The following KCNT2 variants were observed in gnomAD, a reference collection of about 807,000 sequenced individuals.
The protein encoded by KCNT2 is potassium channel subfamily T member 2.
A neutral mutation model predicts 153.8 loss-of-function variants in KCNT2; 67 were observed. That is an observed-to-expected ratio of 0.44 (90% CI 0.36 to 0.53). The LOEUF is 0.53. Among genes scored for constraint, KCNT2 ranks in the 20% least tolerant of loss-of-function variants. KCNT2 has a pLI of 0.00. For missense variants in KCNT2, 975 were observed against 1,354.8 expected (o/e 0.72, Z 4.40); for synonymous variants, 500 against 458.8 (o/e 1.09, Z -1.15).
In KCNT2 at chr1:196,340,572, T is replaced by A; in HGVS notation, c.1554-2A>T. 1 of 1,507,708 alleles carries A rather than the reference T, an allele frequency of 6.6e-7. No homozygotes were observed. Among genetic ancestry groups the A allele is most frequent in the Non-Finnish European group, 8.9e-7 (1 of 1,123,922 alleles). 93.4% of individuals were successfully genotyped at this position (1,507,708 alleles called of 1,614,324 possible). A position where few individuals can be genotyped will look rare whatever the true frequency, so the allele number is the denominator to read the frequency against. On this transcript the variant is annotated splice_acceptor_variant, in intron 15 of 27. Transcript: ENST00000294725. LOFTEE classifies it high-confidence loss of function. ...ACACCAATCAAGCAGACGCCAAACC[T>A]TAATTTAAAAAAAAAGAGAGTTTGT...
intron 12 of KCNT2, among the ~76,000 whole-genome samples, chr1:196,413,950 T>G (rs983824000): frequency 2.6e-5 from 4 of 151,716 alleles, no homozygotes. Flanking sequence ...GTTATTACAT[T>G]GTCATTAAGA....
At chr1:196,401,811 A>C (rs1381022916) in intron 12 of KCNT2, among the ~76,000 whole-genome samples, 2 of 151,706 alleles carry the variant, frequency 1.3e-5, no homozygotes, top group Non-Finnish European at 2.9e-5. Context: ...ATTTTGTAGA[A>C]GACATACACT....
Position 196,398,556 on chromosome 1 carries a change from A to G in KCNT2, c.1294+7T>C. 1 of 1,520,114 alleles carries G rather than the reference A, an allele frequency of 6.6e-7. No individual in the cohort carries two copies. The highest frequency in any genetic ancestry group is 1.1e-5 in the South Asian group (1 of 88,666). 94.2% of individuals were successfully genotyped at this position (1,520,114 alleles called of 1,614,324 possible). A position where few individuals can be genotyped will look rare whatever the true frequency, so the allele number is the denominator to read the frequency against. On this transcript the variant is annotated splice_region_variant and intron_variant, in intron 13 of 27. Coordinates refer to ENST00000294725, the MANE Select transcript of KCNT2 (RefSeq NM_198503.5). ...TTCAATGGATCTCATGCAAGATAAA[A>G]ACTTACCAGCAAATTTGATGTGAAA...
chr1:196,233,854 T>C (rs1382265462), intron 27 of KCNT2, among the ~76,000 whole-genome samples: 1 of 151,362 alleles, frequency 6.6e-6, no homozygotes, highest in Non-Finnish European at 1.5e-5. Context: ...GCTAAAATAA[T>C]TGATCTCATG....
chr1:196,242,357 A>C (rs554199390), intron 26 of KCNT2, among the ~76,000 whole-genome samples: 1 of 152,196 alleles, frequency 6.6e-6, no homozygotes, highest in African/African-American at 2.4e-5. Flanking sequence ...AGAAAGCCTA[A>C]AAGATTTTGG....
intron 1 of KCNT2, among the ~76,000 whole-genome samples, chr1:196,588,551 C>T (rs75545199): frequency 6.6e-6 from 1 of 151,948 alleles, no homozygotes; most frequent in Non-Finnish European, 1.5e-5. Context: ...AAAAAGCAGT[C>T]ACTTTTATTG....
chr1:196,371,321 T>C (rs902302684), intron 14 of KCNT2, among the ~76,000 whole-genome samples: 6 of 128,622 alleles, frequency 4.7e-5, no homozygotes, highest in African/African-American at 1.8e-4. Context: ...AAAGCAGAAA[T>C]AGATTGTGGT....
chr1:196,524,721 T>C (rs1653947725), intron 1 of KCNT2, among the ~76,000 whole-genome samples: 1 of 152,146 alleles, frequency 6.6e-6, no homozygotes, highest in South Asian at 2.1e-4. Context: ...AAAAATAATA[T>C]TGATAGTGGT....
chr1:196,524,374 A>G (rs565952784), intron 1 of KCNT2, among the ~76,000 whole-genome samples: 1 of 152,334 alleles, frequency 6.6e-6, no homozygotes, highest in East Asian at 1.9e-4. Flanking sequence ...AGGGGGGAAA[A>G]AAAGTGGTTT....
At chr1:196,578,037 T>G (rs1215348884) in intron 1 of KCNT2, among the ~76,000 whole-genome samples, 2 of 152,144 alleles carry the variant, frequency 1.3e-5, no homozygotes, top group Non-Finnish European at 2.9e-5. Context: ...CTGCACTGCT[T>G]TTAGCACATT....
At chr1:196,464,843 T>C (rs1192583160) in intron 8 of KCNT2, among the ~76,000 whole-genome samples, 1 of 152,042 alleles carries the variant, frequency 6.6e-6, no homozygotes, top group African/African-American at 2.4e-5. Flanking sequence ...AAATCTGCCC[T>C]GGCTTTCTGC....
chr1:196,482,260 C>T, intron 4 of KCNT2, 71 bp downstream of exon 4: 2 of 945,528 alleles, frequency 2.1e-6, no homozygotes, highest in Non-Finnish European at 3.3e-6. Context: ...ATCAAAAGCT[C>T]TCCAATAGTA....
intron 19 of KCNT2, among the ~76,000 whole-genome samples, chr1:196,326,416 G>GA (rs1392449850): frequency 2.6e-5 from 4 of 152,012 alleles, no homozygotes; most frequent in African/African-American, 9.7e-5. Context: ...TTAATTTAAG[G>GA]AAAATTGCAG....
intron 8 of KCNT2, among the ~76,000 whole-genome samples, chr1:196,454,028 C>A (rs1342430796): frequency 6.6e-6 from 1 of 151,442 alleles, no homozygotes; most frequent in Non-Finnish European, 1.5e-5. Context: ...GTGTATTTTT[C>A]TCAGATGGAA....
Position 196,334,009 on chromosome 1 carries a change from G to C in KCNT2, c.1835C>G (p.Pro612Arg), listed in dbSNP as rs1282755505. Residue 612 changes from proline to arginine, a missense_variant, in exon 17 of 28, where the codon CCT (proline) becomes CGT (arginine). This residue lies in a region of KCNT2 where 325 missense variants were observed against 388.1 expected (regional missense o/e 0.84). Coordinates refer to ENST00000294725, the MANE Select transcript of KCNT2 (RefSeq NM_198503.5). ...TCCCTCTGTAGGAAGAGACAGGGTAGGGCCACTTGCTGATCTACAGCTTGT... is the reference window on the plus strand; with the variant it reads ...TCCCTCTGTAGGAAGAGACAGGGTACGGCCACTTGCTGATCTACAGCTTGT... ...QDTSCRSASG[P>R]TLSLPTEGSK... is the part of the protein sequence containing the mutation. 2.5e-6 allele frequency: 4 copies of C among 1,613,248 alleles called. No individual in the cohort carries two copies. In the Admixed American group the frequency reaches 5.0e-5, roughly 20 times the overall value.
rs560806497 is a variant in KCNT2, at chr1:196,362,625, A to T, written c.1403+10515T>A. ...ACATACTTTCATAAAGGTTTTGCTG[A>T]GGGAAATCCTCCAGTCAAAATACTA... On this transcript the variant is annotated intron_variant, in intron 14 of 27. Transcript: ENST00000294725. 2.0e-5 allele frequency among the ~76,000 whole-genome samples: 3 copies of T among 152,234 alleles called. No individual in the cohort carries two copies. The East Asian group carries it at 5.8e-4, about 29-fold the overall frequency.
chr1:196,375,671 A>G (rs1410668408), intron 13 of KCNT2, among the ~76,000 whole-genome samples: 2 of 151,438 alleles, frequency 1.3e-5, no homozygotes, highest in African/African-American at 4.8e-5. Flanking sequence ...CTAACTTTTT[A>G]TACTTTATGT....
chr1:196,446,059 T>A (rs1225933162), intron 8 of KCNT2, among the ~76,000 whole-genome samples: 1 of 151,446 alleles, frequency 6.6e-6, no homozygotes, highest in Non-Finnish European at 1.5e-5. Context: ...ACATTGCTCT[T>A]ATGACTTTAA....
intron 18 of KCNT2, among the ~76,000 whole-genome samples, chr1:196,330,536 T>TTTTTTGTTTTG (rs1189659656): frequency 1.3e-5 from 2 of 151,930 alleles, no homozygotes; most frequent in Non-Finnish European, 2.9e-5. Flanking sequence ...GGTTCTTCCT[T>TTTTTTGTTTTG]TTATCAGTTT....
Sources: allele counts gnomAD v4.1 joint callset (sites outside exome capture counted in the v4.1 genomes callset), GRCh38; gene constraint gnomAD v4.1.1; regional missense constraint gnomAD v4.1.1; transcripts MANE v1.5; gene names NCBI Gene and HGNC (gene_info 2026-07-23, HGNC 2026-07-21).